Variants in XIRP2 observed in about 807,000 individuals in gnomAD.
XIRP2 encodes the protein xin actin-binding repeat-containing protein 2.
XIRP2 carries 236 observed loss-of-function variants against 277.0 expected under a neutral mutation model. That is an observed-to-expected ratio of 0.85 (90% CI 0.77 to 0.95). The LOEUF is 0.95. Ranked by LOEUF, XIRP2 falls within the 40% of genes least tolerant of loss-of-function variation. The probability of loss-of-function intolerance (pLI) is 0.00; values close to 1 mark genes in which losing one functional copy is unlikely to be tolerated. For synonymous variants in XIRP2, 1,490 were observed against 1,416.5 expected (o/e 1.05, Z -1.17); for missense variants, 4,640 against 4,157.5 (o/e 1.12, Z -3.19).
At chr2:167,006,612 G>GGCAC (rs1687510874) in intron 2 of XIRP2, among the ~76,000 whole-genome samples, 1 of 151,722 alleles carries the variant, frequency 6.6e-6, no homozygotes, top group Non-Finnish European at 1.5e-5. Context: ...GGCAGGAAAT[G>GGCAC]GCACCAGATT....
intron 2 of XIRP2, among the ~76,000 whole-genome samples, chr2:166,986,968 C>A (rs1400612802): frequency 1.3e-5 from 2 of 152,038 alleles, no homozygotes; most frequent in African/African-American, 4.8e-5. Context: ...ATTTATTTCA[C>A]TTTATTGTCA....
Position 167,247,088 on chromosome 2 carries a change from T to TCAA in XIRP2, c.5696_5697insCAA (p.Ile1899_Glu1900insAsn). 1 of 1,612,662 alleles carries TCAA rather than the reference T, an allele frequency of 6.2e-7. No individual in the cohort carries two copies. The highest frequency in any genetic ancestry group is 8.5e-7 in the Non-Finnish European group (1 of 1,179,562). On this transcript the variant is annotated inframe_insertion, in exon 9 of 11. Coordinates refer to ENST00000409195, the MANE Select transcript of XIRP2 (RefSeq NM_152381.6). ...ATCCCTGGTGATATTGAAAAAGCTA[T>TCAA]TGAATGCCTTGAAAAAGCTACAAAT...
chr2:167,118,705 G>A (rs928912963), intron 2 of XIRP2, among the ~76,000 whole-genome samples: 16 of 151,936 alleles, frequency 1.1e-4, no homozygotes, highest in African/African-American at 2.4e-4. Context: ...TGGACTCCCC[G>A]GCATTCAGAA....
intron 2 of XIRP2, among the ~76,000 whole-genome samples, chr2:166,923,168 A>G (rs774193423): frequency 1.3e-5 from 2 of 152,110 alleles, no homozygotes; most frequent in Non-Finnish European, 2.9e-5. Flanking sequence ...GATGCTGTAT[A>G]AGCAAAAATA....
At chr2:167,144,304 T>G (rs1188583488) in intron 3 of XIRP2, among the ~76,000 whole-genome samples, 1 of 152,144 alleles carries the variant, frequency 6.6e-6, no homozygotes, top group Non-Finnish European at 1.5e-5. Flanking sequence ...GTTCTATGAA[T>G]AAATTCTGCA....
Position 167,245,628 on chromosome 2 carries a change from T to C in XIRP2, c.4236T>C (p.His1412=), listed in dbSNP as rs779708362. ...ATAATATTATGCCCAGTATTGACCA[T>C]ATACAAGGTGGCAATGTAAAGACAA... ...ESHNIMPSID[H]IQGGNVKTSR... is the part of the protein sequence containing the mutation. Residue 1412 remains histidine, a synonymous_variant, in exon 9 of 11, where the codon CAT becomes CAC. Coordinates refer to ENST00000409195, the MANE Select transcript of XIRP2 (RefSeq NM_152381.6). 35 of 1,613,488 alleles carry C rather than the reference T, an allele frequency of 2.2e-5. 1 individual carries two copies. The East Asian group carries it at 4.9e-4, about 23-fold the overall frequency.
chr2:166,925,527 C>T (rs1419302165), intron 2 of XIRP2, among the ~76,000 whole-genome samples: 1 of 147,220 alleles, frequency 6.8e-6, no homozygotes, highest in Non-Finnish European at 1.5e-5. Context: ...TAAATAAATG[C>T]ATATTCCAAT....
intron 2 of XIRP2, among the ~76,000 whole-genome samples, chr2:166,961,760 A>G (rs903571133): frequency 2.0e-5 from 3 of 151,770 alleles, no homozygotes; most frequent in African/African-American, 4.8e-5. Context: ...CCTTCCTCGC[A>G]TGGAGTGGAA....
At chr2:167,057,073 A>T (rs1689053508) in intron 2 of XIRP2, among the ~76,000 whole-genome samples, 1 of 152,182 alleles carries the variant, frequency 6.6e-6, no homozygotes, top group South Asian at 2.1e-4. Flanking sequence ...ACTGTGGATA[A>T]AAAGTAAAGT....
intron 3 of XIRP2, among the ~76,000 whole-genome samples, chr2:167,158,311 A>G (rs1260641097): frequency 1.3e-5 from 2 of 152,346 alleles, no homozygotes; most frequent in African/African-American, 4.8e-5. Context: ...CAGTTGAAAG[A>G]TGTTCAGTGT....
intron 2 of XIRP2, among the ~76,000 whole-genome samples, chr2:166,944,406 A>G (rs574836312): frequency 1.3e-5 from 2 of 152,208 alleles, no homozygotes; most frequent in Admixed American, 6.5e-5. Flanking sequence ...TATGTGCTTC[A>G]TGTCTTAGCC....
intron 1 of XIRP2, among the ~76,000 whole-genome samples, chr2:166,892,562 T>C (rs552608760): frequency 6.6e-6 from 1 of 152,152 alleles, no homozygotes; most frequent in Admixed American, 6.5e-5. Flanking sequence ...TAAAACAAGG[T>C]TAAACACCCT....
chr2:167,025,247 T>C (rs1688117756), intron 2 of XIRP2, among the ~76,000 whole-genome samples: 1 of 152,266 alleles, frequency 6.6e-6, no homozygotes, highest in South Asian at 2.1e-4. Context: ...TGCGAAGAGG[T>C]GTTTGTAGTA....
chr2:166,946,954 A>C (rs181577710), intron 2 of XIRP2, among the ~76,000 whole-genome samples: 88 of 152,248 alleles, frequency 5.8e-4, no homozygotes, highest in Non-Finnish European at 2.2e-4. Context: ...AAACTTACAG[A>C]TATGTGAAAT....
At chr2:167,184,118 T>A (rs1693093136) in intron 3 of XIRP2, among the ~76,000 whole-genome samples, 1 of 149,818 alleles carries the variant, frequency 6.7e-6, no homozygotes, top group South Asian at 2.2e-4. Flanking sequence ...AAGGCACCAA[T>A]TTTATCACTC....
intron 2 of XIRP2, among the ~76,000 whole-genome samples, chr2:166,998,419 C>T (rs1227582269): frequency 2.6e-5 from 4 of 152,040 alleles, no homozygotes; most frequent in African/African-American, 9.7e-5. Context: ...AGGTGGATCG[C>T]AAGGTCAGGA....
chr2:166,972,116 G>C (rs1686593604), intron 2 of XIRP2, among the ~76,000 whole-genome samples: 1 of 152,028 alleles, frequency 6.6e-6, no homozygotes, highest in Non-Finnish European at 1.5e-5. Context: ...TGCCTTTATA[G>C]GAAAAAGAAG....
intron 3 of XIRP2, among the ~76,000 whole-genome samples, chr2:167,201,344 AGAAGGAAGGAAGGAAG>A (rs374953132): frequency 2.9e-5 from 3 of 103,152 alleles, no homozygotes; most frequent in Non-Finnish European, 5.8e-5. Context: ...AAGGAAGGAA[AGAAGGAAGGAAGGAAG>A]GAAGGGGAAG....
chr2:167,042,644 A>T (rs1453659277), intron 2 of XIRP2, among the ~76,000 whole-genome samples: 1 of 152,242 alleles, frequency 6.6e-6, no homozygotes, highest in Non-Finnish European at 1.5e-5. Context: ...GGTTCAATTC[A>T]ACAAGAAGAC....
Sources: allele counts gnomAD v4.1 joint callset (sites outside exome capture counted in the v4.1 genomes callset), GRCh38; gene constraint gnomAD v4.1.1; transcripts MANE v1.5; gene names NCBI Gene and HGNC (gene_info 2026-07-23, HGNC 2026-07-21).